The following IL17RB variants were observed in gnomAD, a reference collection of about 807,000 sequenced individuals.
The protein encoded by IL17RB is interleukin-17 receptor B.
A neutral mutation model predicts 43.9 loss-of-function variants in IL17RB; 36 were observed. The ratio of observed to expected loss-of-function variants is 0.82; its 90% confidence interval spans 0.63 to 1.08. The LOEUF is 1.08. IL17RB is among the 50% of genes least tolerant of loss of function. IL17RB has a pLI of 0.00. For missense variants in IL17RB, 613 were observed against 613.6 expected, an observed-to-expected ratio of 1.00 and a Z score of 0.01; for synonymous variants, 225 against 225.4, an observed-to-expected ratio of 1.00 and a Z score of 0.02.
At chr3:53,856,745 T>A in intron 6 of IL17RB, 99 bp from the exon 7 acceptor site, 1 of 1,171,210 alleles carries the variant, frequency 8.5e-7, no homozygotes, top group Admixed American at 1.8e-5. Flanking sequence ...TTGGACATTG[T>A]TCCTGAGAAC....
At chr3:53,850,429 G>A (rs1393873903) in intron 3 of IL17RB, among the ~76,000 whole-genome samples, 2 of 151,320 alleles carry the variant, frequency 1.3e-5, no homozygotes, top group Non-Finnish European at 2.9e-5. Context: ...CCCAGGAGGC[G>A]GAGCTTGCAG....
chr3:53,857,019 C>T, intron 7 of IL17RB, 33 bp downstream of exon 7: 1 of 1,611,002 alleles, frequency 6.2e-7, no homozygotes, highest in Non-Finnish European at 8.5e-7. Context: ...TCACCTCGTC[C>T]TCCAGCTTTC....
chr3:53,847,569 G>A (rs1274968628), intron 1 of IL17RB, among the ~76,000 whole-genome samples: 3 of 151,966 alleles, frequency 2.0e-5, no homozygotes, highest in African/African-American at 4.8e-5. Flanking sequence ...TGAGGCGGCC[G>A]GATTGCCTGA....
chr3:53,853,805 A>G (rs905412568), intron 5 of IL17RB, among the ~76,000 whole-genome samples: 7 of 152,170 alleles, frequency 4.6e-5, no homozygotes, highest in African/African-American at 1.7e-4. Context: ...ACCATTTACT[A>G]CACGTGGTTT....
chr3:53,849,044 T>G (rs190616892), intron 2 of IL17RB, among the ~76,000 whole-genome samples: 23 of 152,164 alleles, frequency 1.5e-4, no homozygotes, highest in Non-Finnish European at 4.4e-5. Flanking sequence ...TTTGAGATGG[T>G]GGCATTTGAA....
intron 3 of IL17RB, among the ~76,000 whole-genome samples, chr3:53,850,047 G>T (rs28741390): frequency 1.3e-5 from 2 of 152,174 alleles, no homozygotes; most frequent in Non-Finnish European, 2.9e-5. Flanking sequence ...TGAATGATCT[G>T]TAACTACGTA....
At chr3:53,864,723 C>A in intron 10 of IL17RB, 23 bp from the exon 11 acceptor site, 1 of 1,546,642 alleles carries the variant, frequency 6.5e-7, no homozygotes, top group South Asian at 1.2e-5. Flanking sequence ...TCACAGATAA[C>A]AAATGCTTTT....
At chr3:53,858,218 A>G (rs1291188231) in intron 8 of IL17RB, 3 of 379,004 alleles carry the variant, frequency 7.9e-6, no homozygotes, top group Non-Finnish European at 1.1e-5. Context: ...CCACTCCCCA[A>G]AGAGTAAGGA....
chr3:53,860,504 T>C lies in IL17RB; in HGVS notation c.946+276T>C, dbSNP rs964984766. The C allele has an allele frequency of 4.3e-5, 12 of 280,486 alleles. No individual in the cohort carries two copies. In the South Asian group the frequency reaches 4.5e-4, roughly 11 times the overall value. The allele number at this position is 280,486 out of a possible 1,614,324, so 17.4% of individuals were successfully genotyped here. A position where few individuals can be genotyped will look rare whatever the true frequency, so the allele number is the denominator to read the frequency against. ...TACCAGTACTGAAATGGGCAAAAGA[T>C]GGCTGATAACAAATTACACTTTACC... is the stretch of plus-strand genomic sequence containing the variant. On this transcript the variant is annotated intron_variant, in intron 10 of 10. Coordinates refer to ENST00000288167, the MANE Select transcript of IL17RB (RefSeq NM_018725.4).
Position 53,846,633 on chromosome 3 carries a change from C to T in IL17RB, c.45C>T (p.Ala15=), listed in dbSNP as rs1449859275. 5 of 1,592,188 alleles carry T rather than the reference C, an allele frequency of 3.1e-6. No homozygotes were observed. Among genetic ancestry groups the T allele is most frequent in the African/African-American group, 2.7e-5 (2 of 73,904 alleles). ...GCCTGGCCGCGCTGTGCAGGAGCGCCGTACCCCGAGAGCCGGTAAGCCCCC... is the reference window on the plus strand; with the variant it reads ...GCCTGGCCGCGCTGTGCAGGAGCGCTGTACCCCGAGAGCCGGTAAGCCCCC... The part of the protein sequence containing the change: ...LLSLAALCRS[A]VPREPTVQCG... Residue 15 remains alanine, a synonymous_variant, in exon 1 of 11, where the codon GCC becomes GCT. Transcript: ENST00000288167.
intron 6 of IL17RB, among the ~76,000 whole-genome samples, chr3:53,855,665 T>C (rs939348769): frequency 5.3e-5 from 8 of 152,212 alleles, no homozygotes; most frequent in African/African-American, 1.9e-4. Flanking sequence ...AGGCTCTTCC[T>C]GATTGATGGG....
Position 53,852,002 on chromosome 3 carries a change from G to C in IL17RB, c.230G>C (p.Ser77Thr). The C allele has an allele frequency of 6.2e-7, 1 of 1,614,116 alleles. No individual in the cohort carries two copies. The highest frequency in any genetic ancestry group is 8.5e-7 in the Non-Finnish European group (1 of 1,180,006). Residue 77 changes from serine to threonine, a missense_variant, in exon 4 of 11, where the codon AGC becomes ACC. Ser to Thr is a moderately conservative substitution (Grantham distance 58, BLOSUM62 1). Coordinates refer to ENST00000288167, the MANE Select transcript of IL17RB (RefSeq NM_018725.4). ...GTCCTCTTGCCTATCTCGGCAGCCA[G>C]CATCCGCTTGTTGAAGGCCACCAAG... is the stretch of plus-strand genomic sequence containing the variant. ...NVSWVLRADASIRLLKATKIC... is the reference protein window; with the variant it reads ...NVSWVLRADATIRLLKATKIC...
intron 3 of IL17RB, among the ~76,000 whole-genome samples, chr3:53,851,146 G>C (rs3774618): frequency 0.65 from 99,053 of 152,084 alleles, 36,163 homozygotes; most frequent in Non-Finnish European, 0.83. Flanking sequence ...AGTTCTTTCA[G>C]TGAGCTACTC....
chr3:53,859,317 G>T (rs1699470224), intron 9 of IL17RB: 1 of 152,778 alleles, frequency 6.5e-6, no homozygotes, highest in African/African-American at 2.4e-5. Flanking sequence ...TGGAGTTAGA[G>T]ATGTGTTAGC....
rs752842028 is a variant in IL17RB, at chr3:53,865,157, C to T, written c.1358C>T (p.Thr453Ile). Residue 453 changes from threonine (T) to isoleucine (I), a missense_variant, in exon 11 of 11, where the codon ACA (threonine) becomes ATA (isoleucine). Physicochemically the swap from Thr to Ile is moderately conservative, Grantham distance 89 (BLOSUM62 -1). Transcript: ENST00000288167. ...GTGGTCTACTTTAGAGAGATTGATA[C>T]AAAAGACGATTACAATGCTCTCAGT... ...YVVVYFREID[T>I]KDDYNALSVC... 6.2e-7 allele frequency: 1 copy of T among 1,614,194 alleles called. No homozygotes were observed. The highest frequency in any genetic ancestry group is 8.5e-7 in the Non-Finnish European group (1 of 1,180,036).
chr3:53,864,729 C>CT lies in IL17RB; in HGVS notation c.947-13dup. 3 of 1,567,626 alleles carry CT rather than the reference C, an allele frequency of 1.9e-6. No homozygotes were observed. Among genetic ancestry groups the CT allele is most frequent in the Non-Finnish European group, 2.6e-6 (3 of 1,153,210 alleles). On this transcript the variant is annotated splice_polypyrimidine_tract_variant and intron_variant, in intron 10 of 10. Coordinates refer to ENST00000288167, the MANE Select transcript of IL17RB (RefSeq NM_018725.4). ...GTTTGCTGTTCACAGATAACAAATGCTTTTCTCCTCTCACAGAAAGGATCA... is the reference window on the plus strand; with the variant it reads ...GTTTGCTGTTCACAGATAACAAATGCTTTTTCTCCTCTCACAGAAAGGATCA...
At chr3:53,856,652 C>T (rs1205143424) in intron 6 of IL17RB, among the ~76,000 whole-genome samples, 192 bp from the exon 7 acceptor site, 1 of 152,216 alleles carries the variant, frequency 6.6e-6, no homozygotes, top group Non-Finnish European at 1.5e-5. Context: ...ATGTACGGAT[C>T]CCCAAACTGT....
Position 53,851,902 on chromosome 3 carries a change from G to A in IL17RB, c.227-97G>A, listed in dbSNP as rs1013314786. The A allele has an allele frequency of 2.7e-5, 38 of 1,382,418 alleles. No individual in the cohort carries two copies. The Admixed American group carries it at 3.2e-4, about 12-fold the overall frequency. 85.6% of individuals were successfully genotyped at this position (1,382,418 alleles called of 1,614,324 possible). On this transcript the variant is annotated intron_variant, in intron 3 of 10. Coordinates refer to ENST00000288167, the MANE Select transcript of IL17RB (RefSeq NM_018725.4). ...TTCAGTACTATTGTGAATATGAACC[G>A]AGACATAAAATAAAGCATGCTAGTA...
At chr3:53,862,643 G>A (rs1699606282) in intron 10 of IL17RB, among the ~76,000 whole-genome samples, 1 of 152,180 alleles carries the variant, frequency 6.6e-6, no homozygotes, top group South Asian at 2.1e-4. Flanking sequence ...GGAGACGAGT[G>A]CTTCCCCATC....
Sources: allele counts gnomAD v4.1 joint callset (sites outside exome capture counted in the v4.1 genomes callset), GRCh38; gene constraint gnomAD v4.1.1; transcripts MANE v1.5; gene names NCBI Gene and HGNC (gene_info 2026-07-23, HGNC 2026-07-21).